DPF3: variants seen among roughly 807,000 people sequenced by gnomAD.
The protein encoded by DPF3 is zinc finger protein DPF3.
In DPF3, 18 loss-of-function variants were observed where a neutral mutation model predicts 56.8. The observed-to-expected ratio is 0.32, with a 90% confidence interval of 0.22 to 0.47. The LOEUF (loss-of-function observed/expected upper bound fraction) is 0.47, where lower values mean the gene tolerates loss of function less well. DPF3 is among the 20% of genes least tolerant of loss of function. The pLI, the probability that DPF3 is intolerant of heterozygous loss-of-function variation, is 1.00. For synonymous variants in DPF3, 188 were observed against 180.2 expected (o/e 1.04, Z -0.35); for missense variants, 403 against 488.8 (o/e 0.82, Z 1.65).
At chr14:72,652,259 G>A (rs964250290) in intron 8 of DPF3, among the ~76,000 whole-genome samples, 5 of 152,148 alleles carry the variant, frequency 3.3e-5, no homozygotes, top group Non-Finnish European at 7.3e-5. Flanking sequence ...CAAGACAGAG[G>A]GCCCTTCCCC....
At position 72,756,604 on chromosome 14, in the gene DPF3, G is replaced by A. The variant is rs921808979; in HGVS notation, c.194-3233C>T. ...AAGGCCAGCAGATCACTGAAGCCCA[G>A]GAGTTCAAGACCAGCCTGGCCAACA... is the stretch of plus-strand genomic sequence containing the variant. On this transcript the variant is annotated intron_variant, in intron 2 of 10. Coordinates refer to ENST00000556509, the MANE Select transcript of DPF3 (RefSeq NM_001280542.3). Among the ~76,000 whole-genome samples, 3 of 152,210 alleles carry A rather than the reference G, an allele frequency of 2.0e-5. No homozygotes were observed. In the South Asian group the frequency reaches 6.2e-4, roughly 32 times the overall value.
intron 9 of DPF3, among the ~76,000 whole-genome samples, chr14:72,626,867 C>T (rs2153566625): frequency 6.6e-6 from 1 of 151,812 alleles, no homozygotes; most frequent in South Asian, 2.1e-4. Flanking sequence ...AACTTTTGCC[C>T]ATCTGATAAG....
At chr14:72,807,125 C>A (rs1882817928) in intron 1 of DPF3, among the ~76,000 whole-genome samples, 1 of 152,190 alleles carries the variant, frequency 6.6e-6, no homozygotes, top group South Asian at 2.1e-4. Flanking sequence ...TCAAAGCAGG[C>A]CCACAGGGTA....
chr14:72,640,127 C>A (rs1885512521), intron 8 of DPF3, among the ~76,000 whole-genome samples: 1 of 143,038 alleles, frequency 7.0e-6, no homozygotes, highest in Non-Finnish European at 1.5e-5. Context: ...ATATAAGGTG[C>A]ATGGTCCACT....
intron 7 of DPF3, among the ~76,000 whole-genome samples, chr14:72,682,503 C>T (rs1196872560): frequency 6.6e-6 from 1 of 152,138 alleles, no homozygotes; most frequent in African/African-American, 2.4e-5. Context: ...TGAGTTTTGT[C>T]TGTTTAAGTT....
chr14:72,738,897 T>C (rs1890012768), intron 3 of DPF3, among the ~76,000 whole-genome samples: 1 of 152,192 alleles, frequency 6.6e-6, no homozygotes, highest in Admixed American at 6.5e-5. Context: ...ATATAACTTT[T>C]ATTTGTCAAT....
chr14:72,704,232 T>C (rs1888309936), intron 6 of DPF3, among the ~76,000 whole-genome samples: 1 of 152,244 alleles, frequency 6.6e-6, no homozygotes, highest in South Asian at 2.1e-4. Context: ...TGCGTTAGCA[T>C]GTCCTTAATG....
intron 1 of DPF3, among the ~76,000 whole-genome samples, chr14:72,871,086 C>T (rs116467767): frequency 0.019 from 2,834 of 152,288 alleles, 88 homozygotes; most frequent in African/African-American, 0.065. Flanking sequence ...CAGATAAACC[C>T]GTCAGATCTT....
chr14:72,839,557 T>G (rs571456839), intron 1 of DPF3, among the ~76,000 whole-genome samples: 1 of 152,154 alleles, frequency 6.6e-6, no homozygotes, highest in Non-Finnish European at 1.5e-5. Flanking sequence ...AGGGGCCAGA[T>G]AGATGTCAGA....
At chr14:72,703,202 T>C (rs1171574792) in intron 6 of DPF3, among the ~76,000 whole-genome samples, 2 of 152,122 alleles carry the variant, frequency 1.3e-5, no homozygotes, top group Non-Finnish European at 2.9e-5. Context: ...TGCCGTCCCG[T>C]GGCTTCATAC....
In DPF3 at chr14:72,838,898, C is replaced by CATATATATAT. The variant is rs1487324297; in HGVS notation, c.32+55158_32+55159insATATATATAT. ...GCAAATTATCTATCATATATATTAT[C>CATATATATAT]ATATATATTCTTTTTTTTTTTTTTT... On this transcript the variant is annotated intron_variant, in intron 1 of 10. Coordinates refer to ENST00000556509, the MANE Select transcript of DPF3 (RefSeq NM_001280542.3). Among the ~76,000 whole-genome samples the CATATATATAT allele has an allele frequency of 6.9e-4, 56 of 80,700 alleles. 5 individuals carry two copies. Among genetic ancestry groups the CATATATATAT allele is most frequent in the East Asian group, 3.2e-3 (3 of 946 alleles). 52.9% of individuals were successfully genotyped at this position (80,700 alleles called of 152,430 possible).
intron 6 of DPF3, among the ~76,000 whole-genome samples, chr14:72,698,633 G>C (rs1324062126): frequency 3.9e-5 from 6 of 152,210 alleles, no homozygotes; most frequent in African/African-American, 1.4e-4. Context: ...GTTGTAGTTA[G>C]CTGAGATCAC....
intron 8 of DPF3, among the ~76,000 whole-genome samples, chr14:72,647,108 G>T (rs1477402912): frequency 6.6e-6 from 1 of 152,198 alleles, no homozygotes; most frequent in Non-Finnish European, 1.5e-5. Context: ...GGGCTCGAAA[G>T]CCTTTCCTGC....
intron 1 of DPF3, among the ~76,000 whole-genome samples, chr14:72,794,704 T>G (rs1892567735): frequency 1.3e-5 from 2 of 152,214 alleles, no homozygotes; most frequent in Admixed American, 1.3e-4. Context: ...TTTCTATTGC[T>G]GCTGAGACAA....
chr14:72,641,759 G>A (rs1053651960), intron 8 of DPF3, among the ~76,000 whole-genome samples: 2 of 152,248 alleles, frequency 1.3e-5, no homozygotes, highest in Admixed American at 1.3e-4. Flanking sequence ...TTTTCAAGAA[G>A]TGGAGGCTAT....
intron 1 of DPF3, among the ~76,000 whole-genome samples, chr14:72,777,487 A>T (rs991705811): frequency 2.0e-5 from 3 of 152,170 alleles, no homozygotes; most frequent in Non-Finnish European, 4.4e-5. Flanking sequence ...GAAAAAATCC[A>T]CATGTTGAAG....
At position 72,618,830 on chromosome 14, in the gene DPF3, A is replaced by C. The variant is rs1884245722; in HGVS notation, c.*467T>G. ...TTGCCATAAACGACAACTTCTCCAC[A>C]GCCCTTTGTTCCTCAGGTGAGAATT... On this transcript the variant is annotated 3_prime_UTR_variant, in exon 11 of 11. Coordinates refer to ENST00000556509, the MANE Select transcript of DPF3 (RefSeq NM_001280542.3). Among the ~76,000 whole-genome samples the C allele has an allele frequency of 6.6e-6, 1 of 152,230 alleles. No homozygotes were observed. Among genetic ancestry groups the C allele is most frequent in the Non-Finnish European group, 1.5e-5 (1 of 68,034 alleles).
chr14:72,723,585 C>G, intron 5 of DPF3, 48 bp downstream of exon 5: 1 of 1,498,134 alleles, frequency 6.7e-7, no homozygotes, highest in Non-Finnish European at 9.0e-7. Context: ...TGGCCGGGCA[C>G]CCCAGCCTCC....
chr14:72,874,692 T>C (rs1886041217), intron 1 of DPF3, among the ~76,000 whole-genome samples: 1 of 152,218 alleles, frequency 6.6e-6, no homozygotes, highest in Non-Finnish European at 1.5e-5. Context: ...CTGGATTTTA[T>C]TATCCATATC....
Sources: allele counts gnomAD v4.1 joint callset (sites outside exome capture counted in the v4.1 genomes callset), GRCh38; gene constraint gnomAD v4.1.1; transcripts MANE v1.5; gene names NCBI Gene and HGNC (gene_info 2026-07-23, HGNC 2026-07-21).